Variants in CNTN3 observed in about 807,000 individuals in gnomAD.
The protein encoded by CNTN3 is contactin 3, also known as contactin-3.
CNTN3 carries 60 observed loss-of-function variants against 119.1 expected under a neutral mutation model. The observed-to-expected ratio is 0.50, with a 90% CI of 0.41 to 0.62. CNTN3 has a LOEUF of 0.62. Among genes scored for constraint, CNTN3 ranks in the 20% least tolerant of loss-of-function variants. The pLI is 0.00. For synonymous variants in CNTN3, 450 were observed against 438.7 expected (o/e 1.03, Z -0.32); for missense variants, 1,101 against 1,242.4 (o/e 0.89, Z 1.71).
In CNTN3 at chr3:74,571,705, C is replaced by A. The variant is rs9865313; in HGVS notation, c.-81+42686G>T. Among the ~76,000 whole-genome samples, 1,252 of 152,188 alleles carry A rather than the reference C, an allele frequency of 8.2e-3. 17 individuals are homozygous for A. Among genetic ancestry groups the A allele is most frequent in the African/African-American group, 0.029 (1,187 of 41,504 alleles). ...TATTGGTGCTTTTTGTCAAAAGAATCCTGCCATTTATTTAGATTACATATA... is the reference window on the plus strand; with the variant it reads ...TATTGGTGCTTTTTGTCAAAAGAATACTGCCATTTATTTAGATTACATATA... On this transcript the variant is annotated intron_variant, in intron 1 of 22. Transcript: ENST00000263665.
Position 74,553,328 on chromosome 3 carries a change from T to C in CNTN3, c.-80-32136A>G, listed in dbSNP as rs557749027. On this transcript the variant is annotated intron_variant, in intron 1 of 22. Transcript: ENST00000263665. ...TATGTGCCACATTTTCTTAATCCAGTCTATCATTGATGGACATTTGGGTTG... is the reference window on the plus strand; with the variant it reads ...TATGTGCCACATTTTCTTAATCCAGCCTATCATTGATGGACATTTGGGTTG... Among the ~76,000 whole-genome samples, 3 of 152,310 alleles carry C rather than the reference T, an allele frequency of 2.0e-5. No homozygotes were observed. The South Asian group carries it at 6.2e-4, about 32-fold the overall frequency.
chr3:74,465,489 C>A lies in CNTN3; in HGVS notation c.358+20967G>T, dbSNP rs983921198. On this transcript the variant is annotated intron_variant, in intron 4 of 22. Coordinates refer to ENST00000263665, the MANE Select transcript of CNTN3 (RefSeq NM_020872.3). ...CAACTACAGCCTTCAATTAATTAAA[C>A]AGCACTGAAATGATTTTTCTCTGCT... Among the ~76,000 whole-genome samples, 37 of 152,148 alleles carry A rather than the reference C, an allele frequency of 2.4e-4. 1 individual carries two copies. The highest frequency in any genetic ancestry group is 8.4e-4 in the African/African-American group (35 of 41,448).
At chr3:74,393,424 T>C (rs994980094) in intron 5 of CNTN3, among the ~76,000 whole-genome samples, 6 of 152,242 alleles carry the variant, frequency 3.9e-5, no homozygotes, top group Non-Finnish European at 8.8e-5. Context: ...CTAAAACTTT[T>C]TAATTTCCTC....
chr3:74,437,026 A>G (rs191980567), intron 4 of CNTN3, among the ~76,000 whole-genome samples: 3 of 152,216 alleles, frequency 2.0e-5, no homozygotes, highest in Admixed American at 6.5e-5. Flanking sequence ...ACCTTTTAAA[A>G]ATGATTACCT....
intron 5 of CNTN3, among the ~76,000 whole-genome samples, chr3:74,395,675 A>G (rs1450154931): frequency 1.3e-5 from 2 of 152,176 alleles, no homozygotes; most frequent in African/African-American, 4.8e-5. Context: ...GTGAAAATAA[A>G]AAGTATTTAG....
intron 5 of CNTN3, among the ~76,000 whole-genome samples, chr3:74,380,795 C>T (rs888926499): frequency 1.3e-5 from 2 of 152,152 alleles, no homozygotes; most frequent in African/African-American, 4.8e-5. Flanking sequence ...AAAGGTGCTG[C>T]GTCACAATAA....
intron 5 of CNTN3, among the ~76,000 whole-genome samples, chr3:74,387,286 C>G (rs1033017213): frequency 1.3e-5 from 2 of 152,068 alleles, no homozygotes; most frequent in Non-Finnish European, 2.9e-5. Context: ...ATCAAAACAA[C>G]TGACTAAATT....
At chr3:74,503,303 A>G (rs2107086050) in intron 2 of CNTN3, among the ~76,000 whole-genome samples, 1 of 152,296 alleles carries the variant, frequency 6.6e-6, no homozygotes, top group Non-Finnish European at 1.5e-5. Context: ...GCTGGAGTTA[A>G]TGGCCTATGA....
chr3:74,475,819 G>A (rs552777955), intron 4 of CNTN3, among the ~76,000 whole-genome samples: 22 of 152,314 alleles, frequency 1.4e-4, no homozygotes, highest in Admixed American at 4.6e-4. Flanking sequence ...ACAGGTACGT[G>A]CAGAGTGGTG....
In CNTN3 at chr3:74,486,561, C is replaced by T; in HGVS notation, c.253G>A (p.Val85Met). 1.2e-6 allele frequency: 2 copies of T among 1,609,822 alleles called. No individual in the cohort carries two copies. Among genetic ancestry groups the T allele is most frequent in the Non-Finnish European group, 1.7e-6 (2 of 1,179,048 alleles). ...HRYKLNGGNL[V>M]VINPNRNWDT... ...CAATTTCTGTTGGGATTAATAACCACAAGATTTCCTCCATTCAACTTATAA... is the reference window on the plus strand; with the variant it reads ...CAATTTCTGTTGGGATTAATAACCATAAGATTTCCTCCATTCAACTTATAA... Residue 85 changes from valine (V) to methionine (M), a missense_variant, in exon 4 of 23, where the codon GTG becomes ATG. Val to Met is a conservative substitution (Grantham distance 21, BLOSUM62 1). Transcript: ENST00000263665.
At chr3:74,586,302 T>C (rs746506893) in intron 1 of CNTN3, among the ~76,000 whole-genome samples, 3 of 152,100 alleles carry the variant, frequency 2.0e-5, no homozygotes, top group Non-Finnish European at 4.4e-5. Context: ...ATAAAGTCAT[T>C]AATAAAATGA....
intron 4 of CNTN3, among the ~76,000 whole-genome samples, chr3:74,438,045 T>C (rs886714080): frequency 2.6e-5 from 4 of 152,220 alleles, no homozygotes; most frequent in Non-Finnish European, 5.9e-5. Flanking sequence ...AAGATGTACT[T>C]GGTCTTCTCA....
intron 13 of CNTN3, among the ~76,000 whole-genome samples, chr3:74,318,003 A>G (rs1362578171): frequency 6.6e-6 from 1 of 152,242 alleles, no homozygotes; most frequent in South Asian, 2.1e-4. Flanking sequence ...GTATTTTCAC[A>G]TAGTCCCGTA....
chr3:74,612,404 C>T (rs1411231411), intron 1 of CNTN3, among the ~76,000 whole-genome samples: 1 of 152,162 alleles, frequency 6.6e-6, no homozygotes, highest in Admixed American at 6.5e-5. Flanking sequence ...TTTTAAGGTA[C>T]ACTTGGGCTA....
intron 1 of CNTN3, among the ~76,000 whole-genome samples, chr3:74,558,510 C>T (rs1025072469): frequency 6.6e-6 from 1 of 152,144 alleles, no homozygotes; most frequent in Non-Finnish European, 1.5e-5. Flanking sequence ...TAAAGACAGA[C>T]ATATATAATT....
chr3:74,570,638 T>C (rs1437603789), intron 1 of CNTN3, among the ~76,000 whole-genome samples: 1 of 152,054 alleles, frequency 6.6e-6, no homozygotes, highest in African/African-American at 2.4e-5. Flanking sequence ...TATGTTACAG[T>C]GTGGCCAATG....
At chr3:74,396,982 A>T (rs1705073501) in intron 5 of CNTN3, among the ~76,000 whole-genome samples, 1 of 152,160 alleles carries the variant, frequency 6.6e-6, no homozygotes, top group African/African-American at 2.4e-5. Context: ...AATGTAGATG[A>T]AATAGCCTTC....
intron 20 of CNTN3, among the ~76,000 whole-genome samples, chr3:74,277,925 T>A (rs973865198): frequency 4.6e-5 from 7 of 151,714 alleles, no homozygotes; most frequent in African/African-American, 1.7e-4. Flanking sequence ...AGTTTCCAGA[T>A]ACAAGATTAA....
At chr3:74,405,723 A>G (rs1403594526) in intron 5 of CNTN3, among the ~76,000 whole-genome samples, 2 of 152,076 alleles carry the variant, frequency 1.3e-5, no homozygotes, top group Non-Finnish European at 2.9e-5. Flanking sequence ...TGCATAAACG[A>G]CACATACCTT....
Sources: allele counts gnomAD v4.1 joint callset (sites outside exome capture counted in the v4.1 genomes callset), GRCh38; gene constraint gnomAD v4.1.1; transcripts MANE v1.5; gene names NCBI Gene and HGNC (gene_info 2026-07-23, HGNC 2026-07-21).